Variants in CNTN4 observed in about 807,000 individuals in gnomAD.
The protein encoded by CNTN4 is contactin 4.
CNTN4 carries 77 observed loss-of-function variants against 122.5 expected under a neutral mutation model. The observed-to-expected ratio is 0.63, with a 90% CI of 0.52 to 0.76. The LOEUF (loss-of-function observed/expected upper bound fraction) is 0.76. CNTN4 is among the 30% of genes least tolerant of loss of function. The pLI is 0.00. For missense variants in CNTN4, 1,256 were observed against 1,259.1 expected, an observed-to-expected ratio of 1.00 and a Z score of 0.04; for synonymous variants, 512 against 447.0, an observed-to-expected ratio of 1.15 and a Z score of -1.83.
intron 3 of CNTN4, among the ~76,000 whole-genome samples, chr3:2,445,363 C>T (rs1465863203): frequency 1.4e-5 from 2 of 147,842 alleles, no homozygotes; most frequent in Non-Finnish European, 3.0e-5. Context: ...GGTATTACCA[C>T]CTGGGAGAAG....
chr3:2,635,142 T>A (rs533277346), intron 4 of CNTN4, among the ~76,000 whole-genome samples: 1 of 152,300 alleles, frequency 6.6e-6, no homozygotes, highest in African/African-American at 2.4e-5. Context: ...CTATTCACTC[T>A]CTACGCACCT....
chr3:2,753,860 T>C lies in CNTN4; in HGVS notation c.358+8163T>C, dbSNP rs2090209294. On this transcript the variant is annotated intron_variant, in intron 6 of 24. Transcript: ENST00000418658. ...TTACTGTGAACATCTAAAAGCATAATGTTACATGCAATGACTATACATAAA... is the reference window on the plus strand; with the variant it reads ...TTACTGTGAACATCTAAAAGCATAACGTTACATGCAATGACTATACATAAA... 4.6e-5 allele frequency among the ~76,000 whole-genome samples: 7 copies of C among 152,234 alleles called. No individual in the cohort carries two copies. The South Asian group carries it at 1.4e-3, about 31-fold the overall frequency.
intron 14 of CNTN4, among the ~76,000 whole-genome samples, chr3:3,017,292 C>T (rs1396848767): frequency 6.6e-6 from 1 of 152,078 alleles, no homozygotes; most frequent in Non-Finnish European, 1.5e-5. Context: ...AGACATAATT[C>T]CTCAATGGAA....
At chr3:2,697,209 C>T (rs191529406) in intron 4 of CNTN4, among the ~76,000 whole-genome samples, 1 of 152,294 alleles carries the variant, frequency 6.6e-6, no homozygotes, top group East Asian at 1.9e-4. Context: ...GCATATGCTC[C>T]TGGAAAGAGA....
intron 2 of CNTN4, among the ~76,000 whole-genome samples, chr3:2,146,184 G>C (rs1224321329): frequency 6.7e-6 from 1 of 149,674 alleles, no homozygotes; most frequent in Non-Finnish European, 1.5e-5. Context: ...GTTAATTATT[G>C]ACTTTTATTT....
chr3:2,648,687 G>A (rs777158303), intron 4 of CNTN4, among the ~76,000 whole-genome samples: 1 of 151,976 alleles, frequency 6.6e-6, no homozygotes, highest in South Asian at 2.1e-4. Flanking sequence ...TAACCCCACC[G>A]TGGCCCCTAA....
In CNTN4 at chr3:2,469,113, C is replaced by T. The variant is rs183016943; in HGVS notation, c.-88-102303C>T. On this transcript the variant is annotated intron_variant, in intron 3 of 24. Coordinates refer to ENST00000418658, the MANE Select transcript of CNTN4 (RefSeq NM_175607.3). The stretch of plus-strand genomic sequence containing the variant: ...AAGGAGAAACTGGTAGTTAGCTAAC[C>T]ACTATCTCTCTTTACTGTGATAATT... 7.2e-5 allele frequency among the ~76,000 whole-genome samples: 11 copies of T among 152,256 alleles called. No homozygotes were observed. The East Asian group carries it at 1.5e-3, about 21-fold the overall frequency.
chr3:2,402,059 A>T (rs967810004), intron 3 of CNTN4, among the ~76,000 whole-genome samples: 2 of 152,124 alleles, frequency 1.3e-5, no homozygotes, highest in African/African-American at 4.8e-5. Context: ...CTCTGCTACA[A>T]CCATACTTGA....
intron 4 of CNTN4, among the ~76,000 whole-genome samples, chr3:2,674,683 G>A (rs572586707): frequency 1.5e-3 from 228 of 152,198 alleles, no homozygotes; most frequent in African/African-American, 5.3e-3. Flanking sequence ...ACCTGAACCC[G>A]GGAGGCGGAG....
intron 4 of CNTN4, among the ~76,000 whole-genome samples, chr3:2,718,451 C>G (rs1001825718): frequency 1.3e-5 from 2 of 152,110 alleles, no homozygotes; most frequent in African/African-American, 2.4e-5. Context: ...CTGCTCAGAT[C>G]CTACTTCAGG....
intron 4 of CNTN4, among the ~76,000 whole-genome samples, chr3:2,661,354 C>A (rs749191915): frequency 1.3e-5 from 2 of 152,176 alleles, no homozygotes; most frequent in East Asian, 3.9e-4. Context: ...ATTTATGTAT[C>A]TAGGACTGAA....
intron 3 of CNTN4, among the ~76,000 whole-genome samples, chr3:2,343,898 C>A (rs572912442): frequency 6.6e-6 from 1 of 152,278 alleles, no homozygotes; most frequent in Middle Eastern, 3.4e-3. Flanking sequence ...TGTGTGGTGA[C>A]AGCCTCAGGA....
At chr3:2,570,646 G>A (rs184994723) in intron 3 of CNTN4, among the ~76,000 whole-genome samples, 24 of 152,256 alleles carry the variant, frequency 1.6e-4, no homozygotes, top group Middle Eastern at 3.4e-3. Context: ...CCTTAAGCAA[G>A]GACATGCCTC....
chr3:2,836,268 T>C (rs1038037684), intron 7 of CNTN4, among the ~76,000 whole-genome samples: 1 of 152,190 alleles, frequency 6.6e-6, no homozygotes, highest in Non-Finnish European at 1.5e-5. Context: ...AAAGAAAATA[T>C]TTTAAAGTTT....
intron 2 of CNTN4, among the ~76,000 whole-genome samples, chr3:2,330,765 ATAGT>A (rs2043685569): frequency 6.6e-6 from 1 of 152,136 alleles, no homozygotes; most frequent in Non-Finnish European, 1.5e-5. Context: ...CCCTGTGAAA[ATAGT>A]TAGACTCTGG....
intron 2 of CNTN4, among the ~76,000 whole-genome samples, chr3:2,110,807 C>T (rs1056524664): frequency 1.3e-5 from 2 of 152,072 alleles, no homozygotes; most frequent in African/African-American, 2.4e-5. Flanking sequence ...AGCTTTACCT[C>T]TCTACTTCCT....
intron 3 of CNTN4, among the ~76,000 whole-genome samples, chr3:2,493,591 A>G (rs1326894415): frequency 6.6e-6 from 1 of 151,550 alleles, no homozygotes; most frequent in Non-Finnish European, 1.5e-5. Context: ...AGCAGTTAGT[A>G]TTGAGGATTC....
intron 9 of CNTN4, among the ~76,000 whole-genome samples, chr3:2,886,494 T>C (rs2093980807): frequency 1.3e-5 from 2 of 151,266 alleles, no homozygotes; most frequent in South Asian, 2.1e-4. Flanking sequence ...AATGATGATA[T>C]TGTATAGGAG....
At chr3:2,611,882 G>A (rs2081506696) in intron 4 of CNTN4, among the ~76,000 whole-genome samples, 1 of 152,110 alleles carries the variant, frequency 6.6e-6, no homozygotes, top group African/African-American at 2.4e-5. Context: ...TTAAATGTTG[G>A]ATGAGTATTT....
Sources: gnomAD v4.1 joint callset for allele counts (sites outside exome capture counted in the v4.1 genomes callset) on GRCh38, gnomAD v4.1.1 for gene constraint, MANE v1.5 for transcripts, NCBI Gene and HGNC (gene_info 2026-07-23, HGNC 2026-07-21) for gene names.